RNF25: variants seen among roughly 807,000 people sequenced by gnomAD.
RNF25 encodes the protein E3 ubiquitin-protein ligase RNF25.
In RNF25, 32 loss-of-function variants were observed where a neutral mutation model predicts 65.0. The observed-to-expected ratio is 0.49, with a 90% CI of 0.37 to 0.66. The LOEUF (loss-of-function observed/expected upper bound fraction) is 0.66, where lower values mean the gene tolerates loss of function less well. Ranked by LOEUF, RNF25 falls within the 30% of genes least tolerant of loss-of-function variation. RNF25 has a pLI of 0.00. For synonymous variants in RNF25, 207 were observed against 221.2 expected (o/e 0.94, Z 0.57); for missense variants, 493 against 584.8 (o/e 0.84, Z 1.62).
intron 8 of RNF25, 141 bp from the exon 9 acceptor site, chr2:218,665,014 T>C (rs897808576): frequency 6.9e-7 from 1 of 1,440,778 alleles, no homozygotes; most frequent in Non-Finnish European, 9.6e-7. Context: ...CTCCCGCCAG[T>C]GGGGGATGTG....
Position 218,671,998 on chromosome 2 carries a change from G to A in RNF25, c.-28C>T. ...CTTCACCGGCCCGCAGCCGGAACCG[G>A]AAATGCCCTTAGGGAAGTCGGAGGC... On this transcript the variant is annotated 5_prime_UTR_variant, in exon 1 of 10. Coordinates refer to ENST00000295704, the MANE Select transcript of RNF25 (RefSeq NM_022453.3). The A allele has an allele frequency of 1.2e-6, 2 of 1,614,210 alleles. No individual in the cohort carries two copies. The highest frequency in any genetic ancestry group is 1.7e-6 in the Non-Finnish European group (2 of 1,180,024).
In RNF25 at chr2:218,664,522, G is replaced by C. The variant is rs371228589; in HGVS notation, c.815C>G (p.Ala272Gly). ...GACATCTACAGCTGACTCAGGTTCC[G>C]CAGGGGCAGGAGGCTAGAAATAAGT... The part of the protein sequence containing the change: ...FISLQQPPAP[A>G]EPESAVDVSK... Residue 272 changes from alanine (A) to glycine (G), a missense_variant, in exon 10 of 10, where the codon GCG (alanine) becomes GGG (glycine). By Grantham distance (60) the Ala-to-Gly change is moderately conservative (BLOSUM62 0). Around this residue, in one of 3 missense-constraint regions of RNF25, gnomAD observed 351 missense variants for 400.2 expected, o/e 0.88. Transcript: ENST00000295704. This position sits in a 1 kb window ranked among gnomAD's most constrained non-coding sequence, Gnocchi z 5.1. The C allele has an allele frequency of 6.2e-7, 1 of 1,612,812 alleles. No individual in the cohort carries two copies. Among genetic ancestry groups the C allele is most frequent in the Admixed American group, 1.7e-5 (1 of 59,998 alleles).
chr2:218,664,976 C>A lies in RNF25; in HGVS notation c.667-103G>T. ...CAGGAGATCTGCACTGGTTTTGCCCCTCAGGTCTGGGCTCCCAGAGTCTTA... is the reference window on the plus strand; with the variant it reads ...CAGGAGATCTGCACTGGTTTTGCCCATCAGGTCTGGGCTCCCAGAGTCTTA... On this transcript the variant is annotated intron_variant, in intron 8 of 9. Coordinates refer to ENST00000295704, the MANE Select transcript of RNF25 (RefSeq NM_022453.3). The surrounding 1 kb of genome is among the most constrained non-coding windows in gnomAD (Gnocchi z 5.1). 6.5e-7 allele frequency: 1 copy of A among 1,534,032 alleles called. No homozygotes were observed. Among genetic ancestry groups the A allele is most frequent in the South Asian group, 1.2e-5 (1 of 82,988 alleles).
chr2:218,667,839 G>A, intron 5 of RNF25, 73 bp downstream of exon 5: 2 of 1,380,236 alleles, frequency 1.4e-6, no homozygotes, highest in African/African-American at 2.9e-5. Flanking sequence ...CTAGGCCCAT[G>A]GTTTCCCTTT....
At position 218,664,369 on chromosome 2, in the gene RNF25, C is replaced by G; in HGVS notation, c.968G>C (p.Arg323Thr). 6.2e-7 allele frequency: 1 copy of G among 1,614,172 alleles called. No homozygotes were observed. Among genetic ancestry groups the G allele is most frequent in the Non-Finnish European group, 8.5e-7 (1 of 1,180,050 alleles). The change falls in exon 10 of 10, where the codon AGG (arginine) becomes ACG (threonine). Residue 323 changes from arginine to threonine, a missense_variant. Physicochemically the swap from Arg to Thr is moderately conservative, Grantham distance 71. This residue lies in a region of RNF25 where 351 missense variants were observed against 400.2 expected (regional missense o/e 0.88). Coordinates refer to ENST00000295704, the MANE Select transcript of RNF25 (RefSeq NM_022453.3). This position sits in a 1 kb window ranked among gnomAD's most constrained non-coding sequence, Gnocchi z 5.1. ...TTCGCCCAACCTTTGCTGATTTGAC[C>G]TGGTCCCTGGAATCTTCTCACATAT... ...QHICEKIPGT[R>T]SNQQRLGETQ...
chr2:218,664,286 C>G lies in RNF25; in HGVS notation c.1051G>C (p.Glu351Gln). ...KPSRGPWRQP[E>Q]RRHPKGGECH... is the part of the protein sequence containing the mutation. The stretch of plus-strand genomic sequence containing the variant: ...TCCCCTCCCTTTGGGTGCCTCCGTT[C>G]GGGCTGTCGCCAGGGACCTCGACTG... The change falls in exon 10 of 10, where the codon GAA becomes CAA. Residue 351 changes from glutamate to glutamine, a missense_variant. Around this residue, in one of 3 missense-constraint regions of RNF25, gnomAD observed 351 missense variants for 400.2 expected, o/e 0.88. Coordinates refer to ENST00000295704, the MANE Select transcript of RNF25 (RefSeq NM_022453.3). This position sits in a 1 kb window ranked among gnomAD's most constrained non-coding sequence, Gnocchi z 5.1. The G allele has an allele frequency of 1.2e-6, 2 of 1,609,658 alleles. No individual in the cohort carries two copies. Among genetic ancestry groups the G allele is most frequent in the Non-Finnish European group, 1.7e-6 (2 of 1,176,818 alleles).
At chr2:218,666,603 G>C (rs1459318121) in intron 5 of RNF25, among the ~76,000 whole-genome samples, 1 of 152,218 alleles carries the variant, frequency 6.6e-6, no homozygotes, top group Non-Finnish European at 1.5e-5. Flanking sequence ...CCCCCATGGG[G>C]CAATGTGTTT....
At position 218,664,635 on chromosome 2, in the gene RNF25, A is replaced by G; in HGVS notation, c.802-100T>C. The G allele has an allele frequency of 1.3e-6, 2 of 1,580,976 alleles. No homozygotes were observed. The highest frequency in any genetic ancestry group is 2.2e-5 in the East Asian group (1 of 44,650). ...TATCTGGGCTGACCACGATCAGCCT[A>G]TCATCTTCCTGGTTAGAACAAAGCT... On this transcript the variant is annotated intron_variant, in intron 9 of 9. Coordinates refer to ENST00000295704, the MANE Select transcript of RNF25 (RefSeq NM_022453.3). This position sits in a 1 kb window ranked among gnomAD's most constrained non-coding sequence, Gnocchi z 5.1.
chr2:218,667,830 T>C, intron 5 of RNF25, 82 bp downstream of exon 5: 2 of 1,284,966 alleles, frequency 1.6e-6, no homozygotes, highest in Non-Finnish European at 1.1e-6. Flanking sequence ...TTTAAGATTC[T>C]AGGCCCATGG....
intron 1 of RNF25, 132 bp from the exon 2 acceptor site, chr2:218,668,811 A>G: frequency 2.9e-6 from 2 of 679,728 alleles, no homozygotes; most frequent in South Asian, 3.4e-5. Context: ...CTCCTTAAAA[A>G]CAAGGAATAT....
intron 7 of RNF25, among the ~76,000 whole-genome samples, chr2:218,665,708 A>C (rs1430661758): frequency 2.0e-5 from 3 of 150,352 alleles, no homozygotes; most frequent in Admixed American, 6.7e-5. Context: ...GTGCTACTGC[A>C]CTCCAGCCTG....
In RNF25 at chr2:218,668,157, C is replaced by A. The variant is rs1352237660; in HGVS notation, c.220-11G>T. The A allele has an allele frequency of 1.2e-6, 2 of 1,614,016 alleles. No homozygotes were observed. Among genetic ancestry groups the A allele is most frequent in the Non-Finnish European group, 1.7e-6 (2 of 1,179,894 alleles). Reference sequence around the variant, plus strand: ...CACCTCATGGGGATACTAGTGGGGGCAAATAACAAGTTACTGCTGAAGCGG... The same window carrying A: ...CACCTCATGGGGATACTAGTGGGGGAAAATAACAAGTTACTGCTGAAGCGG... On this transcript the variant is annotated splice_polypyrimidine_tract_variant and intron_variant, in intron 3 of 9. Coordinates refer to ENST00000295704, the MANE Select transcript of RNF25 (RefSeq NM_022453.3).
At chr2:218,671,865 C>T in intron 1 of RNF25, 65 bp downstream of exon 1, 1 of 1,583,788 alleles carries the variant, frequency 6.3e-7, no homozygotes, top group East Asian at 2.3e-5. Flanking sequence ...GGACCGTCTG[C>T]GACAGCTGCT....
intron 1 of RNF25, among the ~76,000 whole-genome samples, chr2:218,670,376 G>A (rs2106337938): frequency 6.6e-6 from 1 of 151,730 alleles, no homozygotes; most frequent in East Asian, 2.0e-4. Context: ...TCCTGGATGG[G>A]ATGGTGGTAA....
At chr2:218,668,194 G>A in intron 3 of RNF25, 45 bp downstream of exon 3, 1 of 1,612,418 alleles carries the variant, frequency 6.2e-7, no homozygotes, top group Non-Finnish European at 8.5e-7. Context: ...CCACCCCAGG[G>A]ACTCTCCCCT....
At chr2:218,671,542 G>A (rs1322797908) in intron 1 of RNF25, among the ~76,000 whole-genome samples, 2 of 152,336 alleles carry the variant, frequency 1.3e-5, no homozygotes, top group East Asian at 3.9e-4. Context: ...GATCCAAGGG[G>A]AAAGGGGGCC....
intron 1 of RNF25, among the ~76,000 whole-genome samples, chr2:218,671,162 A>G (rs1336857941): frequency 6.6e-6 from 1 of 152,086 alleles, no homozygotes; most frequent in Non-Finnish European, 1.5e-5. Context: ...CGAGAGTGAG[A>G]CTCTGTCTCA....
chr2:218,668,784 T>C, intron 1 of RNF25, 105 bp from the exon 2 acceptor site: 1 of 774,976 alleles, frequency 1.3e-6, no homozygotes, highest in Non-Finnish European at 2.3e-6. Flanking sequence ...TCTACCAGAA[T>C]GCATTCTCCT....
chr2:218,664,881 G>A lies in RNF25; in HGVS notation c.667-8C>T, dbSNP rs1939786846. 1.2e-6 allele frequency: 2 copies of A among 1,614,090 alleles called. No individual in the cohort carries two copies. Among genetic ancestry groups the A allele is most frequent in the South Asian group, 2.2e-5 (2 of 91,076 alleles). On this transcript the variant is annotated splice_region_variant and splice_polypyrimidine_tract_variant and intron_variant, in intron 8 of 9. Transcript: ENST00000295704. The surrounding 1 kb of genome is among the most constrained non-coding windows in gnomAD (Gnocchi z 5.1). Reference sequence around the variant, plus strand: ...ACTGGGCTGGTACAGCTCCTGGAAGGAAGAATGGCAGAGAGGAAATAATGA... The same window carrying A: ...ACTGGGCTGGTACAGCTCCTGGAAGAAAGAATGGCAGAGAGGAAATAATGA...
Sources: gnomAD v4.1 joint callset for allele counts (sites outside exome capture counted in the v4.1 genomes callset) on GRCh38, gnomAD v4.1.1 for gene constraint, gnomAD v4.1.1 regional missense constraint, Gnocchi (gnomAD v3.1) non-coding constraint, MANE v1.5 for transcripts, NCBI Gene and HGNC (gene_info 2026-07-23, HGNC 2026-07-21) for gene names.